CERT1: variants seen among roughly 807,000 people sequenced by gnomAD.
CERT1 encodes ceramide transporter 1, also known as ceramide transfer protein.
A neutral mutation model predicts 87.9 loss-of-function variants in CERT1; 31 were observed. That is an observed-to-expected ratio of 0.35 (90% CI 0.27 to 0.48). The LOEUF (loss-of-function observed/expected upper bound fraction) is 0.48, where lower values mean the gene tolerates loss of function less well. Among genes scored for constraint, CERT1 ranks in the 20% least tolerant of loss-of-function variants. The pLI is 0.99. For synonymous variants in CERT1, 289 were observed against 250.9 expected (o/e 1.15, Z -1.44); for missense variants, 487 against 758.0 (o/e 0.64, Z 4.20).
chr5:75,465,005 G>A (rs1765400659), intron 2 of CERT1, among the ~76,000 whole-genome samples: 1 of 152,172 alleles, frequency 6.6e-6, no homozygotes, highest in Non-Finnish European at 1.5e-5. Flanking sequence ...CTTTAATGGA[G>A]TTTTAGCTCT....
At chr5:75,449,613 AT>A (rs1205520420) in intron 3 of CERT1, among the ~76,000 whole-genome samples, 2 of 152,016 alleles carry the variant, frequency 1.3e-5, no homozygotes, top group South Asian at 2.1e-4. Flanking sequence ...ATATTGAAAA[AT>A]TTTTTTCCAA....
At chr5:75,379,949 C>G (rs1421140391) in intron 16 of CERT1, among the ~76,000 whole-genome samples, 1 of 152,108 alleles carries the variant, frequency 6.6e-6, no homozygotes, top group Non-Finnish European at 1.5e-5. Flanking sequence ...CATAATCAGA[C>G]AGCAAATAAG....
intron 3 of CERT1, among the ~76,000 whole-genome samples, chr5:75,432,808 T>TA (rs1432781006): frequency 6.6e-6 from 1 of 152,268 alleles, no homozygotes; most frequent in African/African-American, 2.4e-5. Context: ...CTAGATTTCC[T>TA]ACTTGGGTTT....
At chr5:75,507,882 T>C (rs1183574034) in intron 1 of CERT1, among the ~76,000 whole-genome samples, 1 of 152,194 alleles carries the variant, frequency 6.6e-6, no homozygotes, top group African/African-American at 2.4e-5. Context: ...TACCAAAAGC[T>C]GCTCATCTTT....
At chr5:75,410,363 ACTTTGGGAG>A (rs777852134) in intron 8 of CERT1, among the ~76,000 whole-genome samples, 21 of 152,234 alleles carry the variant, frequency 1.4e-4, no homozygotes, top group Non-Finnish European at 2.8e-4. Flanking sequence ...TAATGCCAGC[ACTTTGGGAG>A]GCTGAGGCGG....
chr5:75,499,225 C>T (rs1341033425), intron 2 of CERT1, among the ~76,000 whole-genome samples: 1 of 152,168 alleles, frequency 6.6e-6, no homozygotes, highest in African/African-American at 2.4e-5. Flanking sequence ...TGGGTTAATA[C>T]TGGAATGAGC....
chr5:75,497,249 T>C (rs1767119520), intron 2 of CERT1, among the ~76,000 whole-genome samples: 1 of 152,154 alleles, frequency 6.6e-6, no homozygotes, highest in Non-Finnish European at 1.5e-5. Context: ...CAACTTCTGT[T>C]CTTTAATTTT....
chr5:75,489,781 T>C (rs1489285033), intron 2 of CERT1, among the ~76,000 whole-genome samples: 7 of 152,316 alleles, frequency 4.6e-5, no homozygotes, highest in South Asian at 2.1e-4. Context: ...TTTTACTCTG[T>C]TGGTGGGAGT....
chr5:75,478,851 G>A lies in CERT1; in HGVS notation c.232-19670C>T, dbSNP rs184479965. On this transcript the variant is annotated intron_variant, in intron 2 of 16. Coordinates refer to ENST00000643780, the MANE Select transcript of CERT1 (RefSeq NM_001379029.1). ...CCTCAGAGAAATGGTCCAGGACTGG[G>A]GCAAGGGAGGTGTAAGATAAGATGA... 2.1e-5 allele frequency among the ~76,000 whole-genome samples: 3 copies of A among 145,544 alleles called. No individual in the cohort carries two copies. The East Asian group carries it at 6.0e-4, about 29-fold the overall frequency.
intron 3 of CERT1, among the ~76,000 whole-genome samples, chr5:75,453,173 T>C (rs780591422): frequency 1.6e-4 from 25 of 152,144 alleles, no homozygotes; most frequent in Middle Eastern, 3.2e-3. Flanking sequence ...GCAAAAACAG[T>C]AAAGCTAGAC....
chr5:75,435,733 G>C (rs147420076), intron 3 of CERT1, among the ~76,000 whole-genome samples: 95 of 152,274 alleles, frequency 6.2e-4, no homozygotes, highest in South Asian at 2.7e-3. Context: ...TTCTAATCCT[G>C]GGGGGCTGAG....
downstream of CERT1, chr5:75,372,911 T>C (rs530321705): frequency 6.6e-6 from 1 of 152,370 alleles, no homozygotes; most frequent in East Asian, 1.9e-4. Flanking sequence ...CTGATTTGTA[T>C]AAATACACTG....
chr5:75,466,305 G>A (rs1321735553), intron 2 of CERT1, among the ~76,000 whole-genome samples: 1 of 152,168 alleles, frequency 6.6e-6, no homozygotes, highest in African/African-American at 2.4e-5. Context: ...GGCAGTGGCA[G>A]TCAGTTCCAC....
chr5:75,472,122 T>G (rs1255728118), intron 2 of CERT1, among the ~76,000 whole-genome samples: 2 of 152,106 alleles, frequency 1.3e-5, no homozygotes, highest in Non-Finnish European at 2.9e-5. Context: ...AATAAATCCA[T>G]GCATTTACAA....
Position 75,511,257 on chromosome 5 carries a change from C to T in CERT1, c.-50G>A. 1.2e-6 allele frequency: 2 copies of T among 1,600,348 alleles called. No individual in the cohort carries two copies. The highest frequency in any genetic ancestry group is 1.7e-6 in the Non-Finnish European group (2 of 1,173,546). On this transcript the variant is annotated 5_prime_UTR_variant, in exon 1 of 17. Transcript: ENST00000643780. ...ACCGGCCCCCGCTCCCTCAGCTGCG[C>T]CGGAGGAGGCGCCCAGTCCTCGGGG...
At chr5:75,379,547 C>T (rs1383485394) in intron 16 of CERT1, 74 bp from the exon 17 acceptor site, 11 of 1,374,508 alleles carry the variant, frequency 8.0e-6, no homozygotes, top group African/African-American at 1.5e-5. Context: ...TAATTTGTTC[C>T]CTTGTTTTTA....
chr5:75,382,257 A>G (rs773937927), intron 14 of CERT1, among the ~76,000 whole-genome samples, 180 bp from the exon 15 acceptor site: 8 of 152,226 alleles, frequency 5.3e-5, no homozygotes, highest in African/African-American at 1.4e-4. Flanking sequence ...AGAACAATAT[A>G]ATAAAAGGAA....
chr5:75,373,800 GT>G (rs947248401), downstream of CERT1: 8 of 301,332 alleles, frequency 2.7e-5, no homozygotes, highest in African/African-American at 1.7e-4. Context: ...CTTTTCTTTT[GT>G]GCACAAAACC....
At chr5:75,370,952 CAAAAAAAAAAA>C (rs373729532) in intron 17 of CERT1, 1 of 97,276 alleles carries the variant, frequency 1.0e-5, no homozygotes, top group East Asian at 2.7e-4. Flanking sequence ...ACTCTGTCTC[CAAAAAAAAAAA>C]AAAAAAAAAA....
Sources: allele counts gnomAD v4.1 joint callset (sites outside exome capture counted in the v4.1 genomes callset), GRCh38; gene constraint gnomAD v4.1.1; transcripts MANE v1.5; gene names NCBI Gene and HGNC (gene_info 2026-07-23, HGNC 2026-07-21).